DZANK1: variants seen among roughly 807,000 people sequenced by gnomAD.
DZANK1 encodes double zinc ribbon and ankyrin repeat domains 1, also known as double zinc ribbon and ankyrin repeat-containing protein 1.
A neutral mutation model predicts 94.5 loss-of-function variants in DZANK1; 91 were observed. The ratio of observed to expected loss-of-function variants is 0.96; its 90% confidence interval spans 0.81 to 1.15. DZANK1 has a LOEUF of 1.15. Among genes scored for constraint, DZANK1 ranks in the 50% most tolerant of loss-of-function variants. The pLI is 0.00. For synonymous variants in DZANK1, 312 were observed against 325.3 expected, an observed-to-expected ratio of 0.96 and a Z score of 0.44; for missense variants, 903 against 916.4, an observed-to-expected ratio of 0.99 and a Z score of 0.19.
At chr20:18,415,186 A>G (rs1263048279) in intron 11 of DZANK1, 141 bp downstream of exon 11, 5 of 814,076 alleles carry the variant, frequency 6.1e-6, no homozygotes, top group East Asian at 3.2e-5. Context: ...AATTATCTCT[A>G]TCTCCAGATT....
chr20:18,396,695 A>G (rs2056362692), intron 14 of DZANK1, 149 bp from the exon 15 acceptor site: 1 of 562,892 alleles, frequency 1.8e-6, no homozygotes, highest in African/African-American at 1.9e-5. Flanking sequence ...AAAACAGAGC[A>G]ACAAAAACTA....
rs1568857621 is a variant in DZANK1, at chr20:18,385,004, CA to C, written c.2093+11del. The stretch of plus-strand genomic sequence containing the variant: ...GCCCTCAAAAGTATCCATCAGAGGC[CA>C]GGGGACATACCCCAGTAAAGTGGCG... On this transcript the variant is annotated intron_variant, in intron 20 of 20. Transcript: ENST00000262547. The C allele has an allele frequency of 1.3e-6, 2 of 1,552,008 alleles. No individual in the cohort carries two copies. The highest frequency in any genetic ancestry group is 4.9e-5 in the East Asian group (2 of 40,944).
rs74882192 is a variant in DZANK1 at position 18,465,548 on chromosome 20, G to T, written c.-19-171C>A. ...TTACATTTCATCTGTATTTGCTGTT[G>T]AGGTCTTGTGTGGGGTTTTGATTAT... On this transcript the variant is annotated intron_variant, in intron 1 of 20. Coordinates refer to ENST00000262547, the Ensembl canonical transcript of DZANK1. 906 of 288,142 alleles carry T rather than the reference G, an allele frequency of 3.1e-3. 12 individuals are homozygous for T. The highest frequency in any genetic ancestry group is 0.018 in the African/African-American group (822 of 45,640). The allele number at this position is 288,142 out of a possible 1,614,324, so 17.8% of individuals were successfully genotyped here.
intron 17 of DZANK1, among the ~76,000 whole-genome samples, 186 bp from the exon 18 acceptor site, chr20:18,390,645 G>T (rs1344072213): frequency 6.6e-6 from 1 of 152,110 alleles, no homozygotes; most frequent in Non-Finnish European, 1.5e-5. Context: ...CAATCTTGCT[G>T]CTCCAAAACC....
chr20:18,401,756 T>G (rs769276758), intron 13 of DZANK1, among the ~76,000 whole-genome samples: 18 of 152,242 alleles, frequency 1.2e-4, no homozygotes, highest in South Asian at 1.0e-3. Flanking sequence ...TAATCTATAC[T>G]GAACTTCTTT....
intron 14 of DZANK1, among the ~76,000 whole-genome samples, chr20:18,397,684 C>T (rs756973096): frequency 6.6e-6 from 1 of 152,150 alleles, no homozygotes; most frequent in Non-Finnish European, 1.5e-5. Flanking sequence ...TGTCTGAGGC[C>T]TCAGCTGGAA....
At chr20:18,446,239 T>A in intron 7 of DZANK1, among the ~76,000 whole-genome samples, 1 of 148,734 alleles carries the variant, frequency 6.7e-6, no homozygotes, top group African/African-American at 2.5e-5. Flanking sequence ...AGTGAGACCC[T>A]AAGAAAGAAA....
intron 3 of DZANK1, among the ~76,000 whole-genome samples, chr20:18,457,748 T>C: frequency 6.6e-6 from 1 of 152,238 alleles, no homozygotes; most frequent in East Asian, 1.9e-4. Flanking sequence ...ACATCACTTC[T>C]ACATGTATCC....
At chr20:18,437,641 A>G (rs1446233648) in intron 8 of DZANK1, among the ~76,000 whole-genome samples, 2 of 152,148 alleles carry the variant, frequency 1.3e-5, no homozygotes, top group Non-Finnish European at 2.9e-5. Flanking sequence ...TGAAATTTCT[A>G]TATTTCAGTA....
intron 3 of DZANK1, among the ~76,000 whole-genome samples, chr20:18,456,266 C>A (rs2059285304): frequency 6.6e-6 from 1 of 152,158 alleles, no homozygotes; most frequent in Non-Finnish European, 1.5e-5. Context: ...GTTTTCCATT[C>A]ATTCATAATA....
At chr20:18,430,744 G>A (rs1367048091) in intron 9 of DZANK1, among the ~76,000 whole-genome samples, 1 of 152,156 alleles carries the variant, frequency 6.6e-6, no homozygotes, top group Non-Finnish European at 1.5e-5. Context: ...GATCCCGGGA[G>A]TTCAGGCTGC....
intron 2 of DZANK1, among the ~76,000 whole-genome samples, chr20:18,462,799 A>C (rs529052298): frequency 6.6e-6 from 1 of 152,146 alleles, no homozygotes; most frequent in South Asian, 2.1e-4. Context: ...TTAGCTGGGC[A>C]TGGTGGCACA....
At chr20:18,465,360 TTCTCTC>T in exon 2 of DZANK1, 155 of 1,014,940 alleles carry the variant, frequency 1.5e-4, no homozygotes, top group African/African-American at 6.8e-4. Flanking sequence ...AGCAGTCATT[TTCTCTC>T]TCTCTCTCTC....
At chr20:18,440,551 C>T (rs1428628991) in intron 8 of DZANK1, among the ~76,000 whole-genome samples, 1 of 152,178 alleles carries the variant, frequency 6.6e-6, no homozygotes, top group East Asian at 1.9e-4. Flanking sequence ...ACAGCATGCA[C>T]CTGTCCTCCT....
chr20:18,417,883 C>T (rs538222038), intron 10 of DZANK1, among the ~76,000 whole-genome samples: 2 of 151,898 alleles, frequency 1.3e-5, no homozygotes, highest in East Asian at 1.9e-4. Flanking sequence ...GTCAGGAGTT[C>T]GAGACCAGCC....
intron 2 of DZANK1, among the ~76,000 whole-genome samples, chr20:18,463,854 T>C (rs1489588604): frequency 7.9e-6 from 1 of 126,624 alleles, no homozygotes; most frequent in African/African-American, 3.0e-5. Flanking sequence ...ATTTCAGTTA[T>C]TAAAATATAT....
intron 8 of DZANK1, among the ~76,000 whole-genome samples, chr20:18,438,385 G>A (rs2058612747): frequency 6.6e-6 from 1 of 151,906 alleles, no homozygotes; most frequent in East Asian, 1.9e-4. Flanking sequence ...ACATTCAAAA[G>A]GCAAGGTTAT....
At chr20:18,454,450 C>A (rs570772007) in intron 4 of DZANK1, 67 of 174,634 alleles carry the variant, frequency 3.8e-4, no homozygotes, top group Admixed American at 2.2e-3. Context: ...TCAATCCCAA[C>A]AACATCCCTG....
In DZANK1 at chr20:18,418,705, G is replaced by T. The variant is rs141364713; in HGVS notation, c.955-3256C>A. Among the ~76,000 whole-genome samples, 361 of 152,248 alleles carry T rather than the reference G, an allele frequency of 2.4e-3. 5 individuals are homozygous for T. Among genetic ancestry groups the T allele is most frequent in the Admixed American group, 0.02 (303 of 15,288 alleles). On this transcript the variant is annotated intron_variant, in intron 10 of 20. Transcript: ENST00000262547. ...GCTTCACACACAAAATTGATCCTAAGATGAATCAGATGTTGAAAGAAGCAA... is the reference window on the plus strand; with the variant it reads ...GCTTCACACACAAAATTGATCCTAATATGAATCAGATGTTGAAAGAAGCAA...
Sources: allele counts gnomAD v4.1 joint callset (sites outside exome capture counted in the v4.1 genomes callset), GRCh38; gene constraint gnomAD v4.1.1; transcripts MANE v1.5; gene names NCBI Gene and HGNC (gene_info 2026-07-23, HGNC 2026-07-21).